The following ATP7A variants were observed in gnomAD, a reference collection of about 807,000 sequenced individuals.
The protein encoded by ATP7A is ATPase copper transporting alpha.
ATP7A carries 7 observed loss-of-function variants against 83.5 expected under a neutral mutation model. The observed-to-expected ratio is 0.08, with a 90% CI of 0.05 to 0.16. The LOEUF (loss-of-function observed/expected upper bound fraction) is 0.16. Ranked by LOEUF, ATP7A falls within the 10% of genes least tolerant of loss-of-function variation. ATP7A has a pLI of 1.00. For missense variants in ATP7A, 940 were observed against 1,120.8 expected (o/e 0.84, Z 2.30); for synonymous variants, 354 against 395.2 (o/e 0.90, Z 1.24).
At chrX:77,932,439 C>T (rs371342547) in intron 1 of ATP7A, among the ~76,000 whole-genome samples, 14 of 102,108 alleles carry the variant, frequency 1.4e-4, no homozygotes, top group African/African-American at 4.8e-4. Flanking sequence ...CCAGGCAGAG[C>T]GGCTCCTCAC....
Position 78,038,907 on chromosome X carries a change from A to T in ATP7A, c.3583A>T (p.Ile1195Phe), listed in dbSNP as rs371577354. Residue 1195 changes from isoleucine to phenylalanine, a missense_variant, in exon 18 of 23, where the codon ATT becomes TTT. By Grantham distance (21) the Ile-to-Phe change is conservative. Coordinates refer to ENST00000341514, the MANE Select transcript of ATP7A (RefSeq NM_000052.7). ...GTGGATGATTAGAAATGGTCTTGTC[A>T]TTAATAACGATGTAAATGATTTCAT... Reference protein sequence around the residue: ...REWMIRNGLVINNDVNDFMTE... With the variant: ...REWMIRNGLVFNNDVNDFMTE... 2 of 1,209,245 alleles carry T rather than the reference A, an allele frequency of 1.7e-6. No homozygotes were observed. The highest frequency in any genetic ancestry group is 2.2e-6 in the Non-Finnish European group (2 of 894,240).
intron 6 of ATP7A, 47 bp from the exon 7 acceptor site, chrX:78,009,055 G>T (rs2077798347): frequency 1.8e-6 from 2 of 1,140,853 alleles, no homozygotes; most frequent in African/African-American, 1.8e-5. Flanking sequence ...CATGTTTAAT[G>T]GTGGAAAAAG....
At chrX:78,004,896 A>G (rs1569549786) in intron 6 of ATP7A, among the ~76,000 whole-genome samples, 1 of 111,087 alleles carries the variant, frequency 9.0e-6, no homozygotes, top group South Asian at 3.7e-4. Context: ...AAATAAAAAA[A>G]TAAAAATAAA....
intron 7 of ATP7A, among the ~76,000 whole-genome samples, chrX:78,010,420 A>G (rs2077811081): frequency 9.0e-6 from 1 of 111,500 alleles, no homozygotes; most frequent in African/African-American, 3.3e-5. Flanking sequence ...ATTACTATCT[A>G]TGGTCAGATA....
In ATP7A at chrX:78,029,377, G is replaced by C. The variant is rs2149104921; in HGVS notation, c.3044G>C (p.Gly1015Ala). Reference sequence around the variant, plus strand: ...GCCACTCCAACTGCTGTGATGGTGGGTACAGGAGTAGGTGCTCAAAATGGC... The same window carrying C: ...GCCACTCCAACTGCTGTGATGGTGGCTACAGGAGTAGGTGCTCAAAATGGC... The part of the protein sequence containing the change: ...GLATPTAVMV[G>A]TGVGAQNGIL... Residue 1015 changes from glycine to alanine, a missense_variant, in exon 15 of 23, where the codon GGT (glycine) becomes GCT (alanine). By Grantham distance (60) the Gly-to-Ala change is moderately conservative (BLOSUM62 0). This residue lies in a region of ATP7A where 386 missense variants were observed against 502.2 expected (regional missense o/e 0.77). Coordinates refer to ENST00000341514, the MANE Select transcript of ATP7A (RefSeq NM_000052.7). 1 of 1,211,373 alleles carries C rather than the reference G, an allele frequency of 8.3e-7. No individual in the cohort carries two copies. The highest frequency in any genetic ancestry group is 1.1e-6 in the Non-Finnish European group (1 of 895,212).
At chrX:78,002,981 C>T in intron 5 of ATP7A, 92 bp from the exon 6 acceptor site, 1 of 949,833 alleles carries the variant, frequency 1.1e-6, no homozygotes, top group Non-Finnish European at 1.5e-6. Flanking sequence ...AAGAGAAATC[C>T]TTTCATACTT....
chrX:78,040,207 C>G (rs1200797821), intron 18 of ATP7A, among the ~76,000 whole-genome samples: 10 of 102,949 alleles, frequency 9.7e-5, no homozygotes, highest in Middle Eastern at 4.9e-3. Flanking sequence ...CTGCCCCCCC[C>G]CCCTTACCTT....
At chrX:77,988,860 C>T (rs981420409) in intron 3 of ATP7A, 129 bp downstream of exon 3, 10 of 859,760 alleles carry the variant, frequency 1.2e-5, no homozygotes, top group Non-Finnish European at 1.5e-5. Flanking sequence ...CATTGAGGTA[C>T]AGCATATTCC....
intron 2 of ATP7A, among the ~76,000 whole-genome samples, chrX:77,982,366 T>C (rs1352631048): frequency 3.6e-5 from 4 of 112,220 alleles, no homozygotes; most frequent in Non-Finnish European, 7.5e-5. Context: ...ATTATGATCA[T>C]ATATAAATTG....
chrX:78,013,229 C>T (rs781971505), intron 10 of ATP7A, 117 bp downstream of exon 10: 86 of 671,798 alleles, frequency 1.3e-4, no homozygotes, highest in South Asian at 1.0e-4. Flanking sequence ...TACTGAAAGA[C>T]GTATTTTCAT....
intron 1 of ATP7A, among the ~76,000 whole-genome samples, chrX:77,928,162 A>G (rs2077252801): frequency 9.1e-6 from 1 of 110,135 alleles, no homozygotes; most frequent in Non-Finnish European, 1.9e-5. Context: ...GGGTCTTACT[A>G]TATTGCCCAG....
At chrX:77,936,637 G>A (rs1557225055) in intron 1 of ATP7A, among the ~76,000 whole-genome samples, 2 of 111,786 alleles carry the variant, frequency 1.8e-5, no homozygotes, top group Non-Finnish European at 3.8e-5. Flanking sequence ...ATGTTACTCT[G>A]TTTGTACAAA....
intron 1 of ATP7A, among the ~76,000 whole-genome samples, chrX:77,970,805 C>T (rs1193009801): frequency 1.8e-5 from 2 of 111,895 alleles, no homozygotes; most frequent in Non-Finnish European, 3.8e-5. Context: ...AATTTGTGGG[C>T]GTATTTTAAA....
At chrX:78,044,479 C>A (rs940273032) in intron 21 of ATP7A, among the ~76,000 whole-genome samples, 9 of 111,549 alleles carry the variant, frequency 8.1e-5, no homozygotes, top group Non-Finnish European at 5.6e-5. Flanking sequence ...ACACTGTTTG[C>A]AAGATTAATT....
intron 4 of ATP7A, among the ~76,000 whole-genome samples, chrX:77,997,530 C>G (rs1215369061): frequency 9.0e-6 from 1 of 111,069 alleles, no homozygotes; most frequent in African/African-American, 3.3e-5. Context: ...TGTCCAAGGA[C>G]AAGAATGAAC....
At chrX:77,933,313 A>T (rs1557224769) in intron 1 of ATP7A, among the ~76,000 whole-genome samples, 1 of 111,714 alleles carries the variant, frequency 9.0e-6, no homozygotes, top group Admixed American at 9.5e-5. Context: ...GTTTAAAAAA[A>T]ACTGTAGAGA....
rs1557232805 is a variant in ATP7A, at chrX:77,998,605, T to C, written c.1464T>C (p.Ser488=). The C allele has an allele frequency of 8.3e-7, 1 of 1,212,023 alleles. No individual in the cohort carries two copies. Among genetic ancestry groups the C allele is most frequent in the South Asian group, 1.8e-5 (1 of 57,022 alleles). Residue 488 remains serine, a synonymous_variant, in exon 5 of 23, where the codon TCT becomes TCC. Coordinates refer to ENST00000341514, the MANE Select transcript of ATP7A (RefSeq NM_000052.7). ...ACAAGGAGGAAGGAAAGAATTCATC[T>C]AAGTGTTACATACAGGTCACTGGCA... ...VQDKEEGKNS[S]KCYIQVTGMT... is the part of the protein sequence containing the mutation.
chrX:78,005,247 A>G (rs1603384110), intron 6 of ATP7A, among the ~76,000 whole-genome samples: 1 of 112,279 alleles, frequency 8.9e-6, no homozygotes, highest in Non-Finnish European at 1.9e-5. Flanking sequence ...ATACTTTACT[A>G]TATTTGCTTT....
intron 17 of ATP7A, among the ~76,000 whole-genome samples, chrX:78,037,835 T>G (rs1446089700): frequency 1.8e-5 from 2 of 109,727 alleles, no homozygotes; most frequent in East Asian, 5.7e-4. Context: ...ATAAAGCTTT[T>G]GACTACCCCA....
Sources: gnomAD v4.1 joint callset for allele counts (sites outside exome capture counted in the v4.1 genomes callset) on GRCh38, gnomAD v4.1.1 for gene constraint, gnomAD v4.1.1 regional missense constraint, MANE v1.5 for transcripts, NCBI Gene and HGNC (gene_info 2026-07-23, HGNC 2026-07-21) for gene names.